The following KIFC3 variants were observed in gnomAD, a reference collection of about 807,000 sequenced individuals.
KIFC3 encodes the protein kinesin-like protein KIFC3.
A neutral mutation model predicts 101.8 loss-of-function variants in KIFC3; 60 were observed. That is an observed-to-expected ratio of 0.59 (90% CI 0.48 to 0.73). The LOEUF (loss-of-function observed/expected upper bound fraction) is 0.73. Ranked by LOEUF, KIFC3 falls within the 30% of genes least tolerant of loss-of-function variation. The pLI, the probability that KIFC3 is intolerant of heterozygous loss-of-function variation, is 0.00. For missense variants in KIFC3, 966 were observed against 1,137.1 expected (o/e 0.85, Z 2.16); for synonymous variants, 476 against 482.7 (o/e 0.99, Z 0.18).
Position 57,758,985 on chromosome 16 carries a change from G to T in KIFC3, c.*25-76C>A. 3.9e-6 allele frequency: 6 copies of T among 1,541,606 alleles called. No individual in the cohort carries two copies. The South Asian group carries it at 7.4e-5, about 19-fold the overall frequency. On this transcript the variant is annotated intron_variant, in intron 19 of 19. Coordinates refer to ENST00000445690, the MANE Select transcript of KIFC3 (RefSeq NM_001130100.2). The stretch of plus-strand genomic sequence containing the variant: ...CCACAGCAGTTGCCACCGAGAGCAG[G>T]AGGGAACCCAGCAAAAGCACATAGA...
intron 1 of KIFC3, among the ~76,000 whole-genome samples, chr16:57,833,503 T>G (rs1041822064): frequency 6.6e-6 from 1 of 152,202 alleles, no homozygotes; most frequent in Non-Finnish European, 1.5e-5. Flanking sequence ...TTGAGGCATC[T>G]GGGCAGGGCT....
At chr16:57,858,786 A>G (rs1212958755) in intron 1 of KIFC3, among the ~76,000 whole-genome samples, 1 of 152,098 alleles carries the variant, frequency 6.6e-6, no homozygotes, top group Non-Finnish European at 1.5e-5. Context: ...GTTTCTACTA[A>G]AAGTACAAAA....
In KIFC3 at chr16:57,762,997, G is replaced by A. The variant is rs1309375017; in HGVS notation, c.1618-727C>T. Among the ~76,000 whole-genome samples the A allele has an allele frequency of 2.0e-5, 3 of 152,164 alleles. No individual in the cohort carries two copies. The East Asian group carries it at 5.8e-4, about 29-fold the overall frequency. On this transcript the variant is annotated intron_variant, in intron 12 of 19. Transcript: ENST00000445690. ...GGCTGCTCCCAAGATGCCCCCTCAG[G>A]GAGGCTGCTCCTTCGCCCAGCACCC...
At chr16:57,816,154 G>C in intron 1 of KIFC3, 1 of 1,225,986 alleles carries the variant, frequency 8.2e-7, no homozygotes. Flanking sequence ...CTGCTGGGGA[G>C]AGGAAAGGGG....
At chr16:57,771,041 G>C (rs1389360585) in intron 6 of KIFC3, among the ~76,000 whole-genome samples, 157 bp downstream of exon 6, 1 of 152,228 alleles carries the variant, frequency 6.6e-6, no homozygotes, top group Admixed American at 6.5e-5. Flanking sequence ...CCTGGATACA[G>C]GAAGGGGAAG....
At chr16:57,789,235 G>T (rs1390738684) in intron 3 of KIFC3, among the ~76,000 whole-genome samples, 4 of 152,228 alleles carry the variant, frequency 2.6e-5, no homozygotes, top group Non-Finnish European at 5.9e-5. Context: ...CCACAGCCCT[G>T]CCTCCTTCAC....
rs1301549977 is a variant in KIFC3, at chr16:57,825,071, T to C, written c.109-26789A>G. ...CAGGGCACTTCACAACAAAGGAATGTGGCCTACAGCACAACTCACCCCAGC... is the reference window on the plus strand; with the variant it reads ...CAGGGCACTTCACAACAAAGGAATGCGGCCTACAGCACAACTCACCCCAGC... On this transcript the variant is annotated intron_variant, in intron 1 of 2. Coordinates refer to the KIFC3 transcript ENST00000563028. Among the ~76,000 whole-genome samples, 6 of 152,218 alleles carry C rather than the reference T, an allele frequency of 3.9e-5. No homozygotes were observed. In the South Asian group the frequency reaches 8.3e-4, roughly 21 times the overall value.
chr16:57,769,399 T>C lies in KIFC3; in HGVS notation c.1218+196A>G, dbSNP rs1555605380. Among the ~76,000 whole-genome samples, 1 of 152,162 alleles carries C rather than the reference T, an allele frequency of 6.6e-6. No homozygotes were observed. Among genetic ancestry groups the C allele is most frequent in the East Asian group, 1.9e-4 (1 of 5,198 alleles). ...GTTTAAAGAATCATAGTAAGACAAA[T>C]AGCCGAATGCCTGCCCTGAGCAGTC... On this transcript the variant is annotated intron_variant, in intron 9 of 19. Transcript: ENST00000445690. The surrounding 1 kb of genome is among the most constrained non-coding windows in gnomAD (Gnocchi z 4.3).
At position 57,771,677 on chromosome 16, in the gene KIFC3, C is replaced by T. The variant is rs782752920; in HGVS notation, c.391G>A (p.Asp131Asn). The change falls in exon 5 of 20, where the codon GAC becomes AAC. Residue 131 changes from aspartate (D) to asparagine (N), a missense_variant. By Grantham distance (23) the Asp-to-Asn change is conservative. Transcript: ENST00000445690. ...AGCAGGTCCCGGTGCTTCTCCAAGT[C>T]GGTGCCCCCCTGCAGAGAGCCAGGG... ...SRLRSELGGT[D>N]LEKHRDLLMV... 1.1e-5 allele frequency: 17 copies of T among 1,611,420 alleles called. No homozygotes were observed. Among genetic ancestry groups the T allele is most frequent in the African/African-American group, 1.3e-5 (1 of 74,904 alleles).
rs549041664 is a variant in KIFC3 at position 57,834,542 on chromosome 16, C to T, written c.108+28187G>A. Among the ~76,000 whole-genome samples the T allele has an allele frequency of 4.6e-5, 7 of 152,176 alleles. No individual in the cohort carries two copies. The East Asian group carries it at 7.7e-4, about 17-fold the overall frequency. On this transcript the variant is annotated intron_variant, in intron 1 of 2. Coordinates refer to the KIFC3 transcript ENST00000563028. ...TTTATTATTTTTAGAGACAGGTTCTCGCTCTGTTGCCCAGGCTGCAGTGCA... is the reference window on the plus strand; with the variant it reads ...TTTATTATTTTTAGAGACAGGTTCTTGCTCTGTTGCCCAGGCTGCAGTGCA...
intron 18 of KIFC3, chr16:57,759,504 A>G: frequency 1.7e-6 from 1 of 580,854 alleles, no homozygotes. Flanking sequence ...GTCTCCTTAC[A>G]CTGCCCCCTT....
At chr16:57,781,899 T>C (rs1860639590) in intron 3 of KIFC3, 1 of 983,350 alleles carries the variant, frequency 1.0e-6, no homozygotes, top group Non-Finnish European at 1.2e-6. Context: ...TGGCTGACCC[T>C]TGCAGAACCC....
intron 3 of KIFC3, among the ~76,000 whole-genome samples, chr16:57,777,273 CAA>C (rs1439602133): frequency 5.3e-5 from 8 of 152,168 alleles, no homozygotes; most frequent in African/African-American, 1.7e-4. Flanking sequence ...CAGTACTACC[CAA>C]AGTGATCTAC....
At position 57,849,851 on chromosome 16, in the gene KIFC3, C is replaced by T. The variant is rs549591612; in HGVS notation, c.108+12878G>A. Among the ~76,000 whole-genome samples the T allele has an allele frequency of 5.9e-5, 9 of 152,148 alleles. No individual in the cohort carries two copies. In the East Asian group the frequency reaches 1.2e-3, roughly 20 times the overall value. ...CTGGAATGTGGAGGTTGCAGTGAGC[C>T]GAGATCATGCCACTGCACTCCAGCC... On this transcript the variant is annotated intron_variant, in intron 1 of 2. Transcript: ENST00000563028.
chr16:57,768,509 T>TCACACACACACACACACACACACA lies in KIFC3; in HGVS notation c.1218+1062_1218+1085dup, dbSNP rs61591593. ...TGGGGGAAGGGCCTACCATATATTC[T>TCACACACACACACACACACACACA]CACACACACACACACACACACACAC... is the stretch of plus-strand genomic sequence containing the variant. On this transcript the variant is annotated intron_variant, in intron 9 of 19. Coordinates refer to ENST00000445690, the MANE Select transcript of KIFC3 (RefSeq NM_001130100.2). Among the ~76,000 whole-genome samples the TCACACACACACACACACACACACA allele has an allele frequency of 5.9e-3, 823 of 139,104 alleles. 7 individuals carry two copies. The highest frequency in any genetic ancestry group is 0.011 in the South Asian group (47 of 4,252). The allele number at this position is 139,104 out of a possible 152,430, so 91.3% of individuals were successfully genotyped here.
rs1567339636 is a variant in KIFC3 at position 57,847,288 on chromosome 16, AGAG to A, written c.108+15438_108+15440del. The stretch of plus-strand genomic sequence containing the variant: ...GAAGGAAGGGAAGGGAGGGAGGGAG[AGAG>A]GGCGGGGAGGGAGGGAGGGAGGGAG... On this transcript the variant is annotated intron_variant, in intron 1 of 2. Transcript: ENST00000563028. Among the ~76,000 whole-genome samples, 59 of 27,622 alleles carry A rather than the reference AGAG, an allele frequency of 2.1e-3. 1 individual carries two copies. The highest frequency in any genetic ancestry group is 7.6e-3 in the African/African-American group (54 of 7,120). The allele number at this position is 27,622 out of a possible 152,430, so 18.1% of individuals were successfully genotyped here.
At chr16:57,813,787 GAC>G (rs2055151445) in intron 1 of KIFC3, 1 of 985,266 alleles carries the variant, frequency 1.0e-6, no homozygotes, top group Admixed American at 6.2e-5. Context: ...GAGAACCGGG[GAC>G]TCGGGAGACT....
chr16:57,759,124 C>T lies in KIFC3; in HGVS notation c.*24+1G>A. On this transcript the variant is annotated splice_donor_variant, in intron 19 of 19. Coordinates refer to ENST00000445690, the MANE Select transcript of KIFC3 (RefSeq NM_001130100.2). LOFTEE classifies it low-confidence loss of function (3UTR_SPLICE). ...CCCTGGGCCACAGGCCCCACACTCA[C>T]CTAGAGACTCTGCAGCCCCAGCCGT... The T allele has an allele frequency of 1.3e-6, 2 of 1,550,774 alleles. No individual in the cohort carries two copies. The highest frequency in any genetic ancestry group is 1.7e-6 in the Non-Finnish European group (2 of 1,146,976).
Position 57,760,783 on chromosome 16 carries a change from G to C in KIFC3, c.2175C>G (p.Leu725=), listed in dbSNP as rs2148836255. ...QGHVPFRNSK[L]TYLLQDSLSG... Reference sequence around the variant, plus strand: ...TAAGCGAATCCTGCAGCAGGTAGGTGAGCTTGGAGTTGCGGAAGGGCACGT... The same window carrying C: ...TAAGCGAATCCTGCAGCAGGTAGGTCAGCTTGGAGTTGCGGAAGGGCACGT... Residue 725 remains leucine (L), a synonymous_variant, in exon 16 of 20, where the codon CTC becomes CTG. Transcript: ENST00000445690. The C allele has an allele frequency of 6.2e-7, 1 of 1,613,902 alleles. No individual in the cohort carries two copies. Among genetic ancestry groups the C allele is most frequent in the Non-Finnish European group, 8.5e-7 (1 of 1,180,018 alleles).
Sources: gnomAD v4.1 joint callset for allele counts (sites outside exome capture counted in the v4.1 genomes callset) on GRCh38, gnomAD v4.1.1 for gene constraint, Gnocchi (gnomAD v3.1) non-coding constraint, MANE v1.5 for transcripts, NCBI Gene and HGNC (gene_info 2026-07-23, HGNC 2026-07-21) for gene names.